Variants in CRK observed in about 807,000 individuals in gnomAD.
The protein encoded by CRK is CRK proto-oncogene, adaptor protein, also known as adapter molecule crk.
A neutral mutation model predicts 29.8 loss-of-function variants in CRK; 4 were observed. The observed-to-expected ratio is 0.13, with a 90% CI of 0.07 to 0.31. CRK has a LOEUF of 0.31. Among genes scored for constraint, CRK ranks in the 10% least tolerant of loss-of-function variants. The probability of loss-of-function intolerance (pLI) is 1.00; values close to 1 mark genes in which losing one functional copy is unlikely to be tolerated. For missense variants in CRK, 274 were observed against 396.5 expected (o/e 0.69, Z 2.62); for synonymous variants, 153 against 164.9 (o/e 0.93, Z 0.55).
intron 1 of CRK, among the ~76,000 whole-genome samples, chr17:1,443,121 G>A (rs994545017): frequency 1.3e-5 from 2 of 151,612 alleles, no homozygotes; most frequent in Non-Finnish European, 2.9e-5. Context: ...TGAGATTACA[G>A]GCGGCCACCA....
intron 2 of CRK, among the ~76,000 whole-genome samples, chr17:1,435,329 G>A (rs1379940331): frequency 1.3e-5 from 2 of 152,092 alleles, no homozygotes; most frequent in African/African-American, 4.8e-5. Context: ...TGGGATTACA[G>A]GTATGAGCCA....
chr17:1,454,748 T>A (rs77868138), intron 1 of CRK, among the ~76,000 whole-genome samples: 1,593 of 152,286 alleles, frequency 0.01, 34 homozygotes, highest in African/African-American at 0.036. Context: ...GGACTCCTGA[T>A]GCTGTTACAC....
chr17:1,429,418 C>T (rs1455248572), intron 2 of CRK, among the ~76,000 whole-genome samples: 1 of 151,982 alleles, frequency 6.6e-6, no homozygotes, highest in Admixed American at 6.6e-5. Flanking sequence ...GGATTATAGG[C>T]GCCCGCCACC....
intron 1 of CRK, among the ~76,000 whole-genome samples, chr17:1,438,927 C>T (rs1568015492): frequency 6.6e-6 from 1 of 151,984 alleles, no homozygotes; most frequent in Non-Finnish European, 1.5e-5. Flanking sequence ...ACTGCAGCCT[C>T]AGCCTCAAGC....
intron 2 of CRK, among the ~76,000 whole-genome samples, chr17:1,432,774 C>G (rs1249326370): frequency 1.5e-5 from 2 of 130,076 alleles, no homozygotes; most frequent in Non-Finnish European, 3.1e-5. Context: ...GAGACTCCGT[C>G]TCAAAAAAAA....
chr17:1,452,029 G>A (rs1027410494), intron 1 of CRK, among the ~76,000 whole-genome samples: 1 of 152,010 alleles, frequency 6.6e-6, no homozygotes, highest in African/African-American at 2.4e-5. Flanking sequence ...AGACTCCAGG[G>A]CAGAGGCAAA....
Position 1,456,058 on chromosome 17 carries a change from C to T in CRK, c.60G>A (p.Arg20=). 2 of 1,593,450 alleles carry T rather than the reference C, an allele frequency of 1.3e-6. No individual in the cohort carries two copies. The highest frequency in any genetic ancestry group is 1.7e-6 in the Non-Finnish European group (2 of 1,172,076). The part of the protein sequence containing the change: ...RSSWYWGRLS[R]QEAVALLQGQ... ...CCTGCAGCAGCGCCACCGCCTCCTG[C>T]CGACTCAACCTCCCCCAGTACCAGC... Residue 20 remains arginine, a synonymous_variant, in exon 1 of 3, where the codon CGG becomes CGA. Coordinates refer to ENST00000300574, the MANE Select transcript of CRK (RefSeq NM_016823.4).
At position 1,455,863 on chromosome 17, in the gene CRK, C is replaced by G. The variant is rs772569636; in HGVS notation, c.241+14G>C. On this transcript the variant is annotated intron_variant, in intron 1 of 2. Coordinates refer to ENST00000300574, the MANE Select transcript of CRK (RefSeq NM_016823.4). ...TCACCCCGCCCAGGGCCCGCCGTCCCGTCAGTCCCTCACCGGGCGGAGGCT... is the reference window on the plus strand; with the variant it reads ...TCACCCCGCCCAGGGCCCGCCGTCCGGTCAGTCCCTCACCGGGCGGAGGCT... 4 of 1,559,404 alleles carry G rather than the reference C, an allele frequency of 2.6e-6. No individual in the cohort carries two copies. The highest frequency in any genetic ancestry group is 2.6e-6 in the Non-Finnish European group (3 of 1,156,126).
intron 1 of CRK, among the ~76,000 whole-genome samples, chr17:1,444,382 C>T (rs899576441): frequency 6.6e-6 from 1 of 152,070 alleles, no homozygotes; most frequent in Non-Finnish European, 1.5e-5. Context: ...AAAATACAAA[C>T]GCCAGGCAGG....
intron 2 of CRK, among the ~76,000 whole-genome samples, chr17:1,428,168 G>C (rs112444363): frequency 0.01 from 1,531 of 150,546 alleles, 31 homozygotes; most frequent in African/African-American, 0.036. Flanking sequence ...ACCCAGGCTG[G>C]AGTGCAGTGG....
In CRK at chr17:1,423,335, C is replaced by T. The variant is rs2073745986; in HGVS notation, c.*178G>A. ...AACACACAAGCCCTCCAGTTCGTAC[C>T]CTGAATATGGTAATTAAGACTAGGA... On this transcript the variant is annotated 3_prime_UTR_variant, in exon 3 of 3. Coordinates refer to ENST00000300574, the MANE Select transcript of CRK (RefSeq NM_016823.4). 1.3e-6 allele frequency: 1 copy of T among 795,226 alleles called. No homozygotes were observed. The highest frequency in any genetic ancestry group is 2.0e-5 in the South Asian group (1 of 50,120). 49.3% of individuals were successfully genotyped at this position (795,226 alleles called of 1,614,324 possible).
In CRK at chr17:1,444,601, G is replaced by T. The variant is rs986285131; in HGVS notation, c.242-7446C>A. On this transcript the variant is annotated intron_variant, in intron 1 of 2. Coordinates refer to ENST00000300574, the MANE Select transcript of CRK (RefSeq NM_016823.4). ...GCACTTTGGGAAGCCGAAGCGGGGGGGGGGATCACCTGAGATCGGGAGTTC... is the reference window on the plus strand; with the variant it reads ...GCACTTTGGGAAGCCGAAGCGGGGGTGGGGATCACCTGAGATCGGGAGTTC... Among the ~76,000 whole-genome samples the T allele has an allele frequency of 2.0e-5, 3 of 150,480 alleles. 1 individual carries two copies. The highest frequency in any genetic ancestry group is 4.9e-5 in the African/African-American group (2 of 41,156).
intron 2 of CRK, among the ~76,000 whole-genome samples, chr17:1,430,236 G>A (rs1045559109): frequency 6.6e-6 from 1 of 151,702 alleles, no homozygotes; most frequent in Non-Finnish European, 1.5e-5. Flanking sequence ...TAGAAATGGA[G>A]TTTCAAAATG....
intron 1 of CRK, among the ~76,000 whole-genome samples, chr17:1,448,079 T>C (rs1203829246): frequency 6.6e-6 from 1 of 151,988 alleles, no homozygotes; most frequent in African/African-American, 2.4e-5. Flanking sequence ...GAGGCGGAAC[T>C]TGCAGTGAGC....
chr17:1,453,895 C>T (rs1598307508), intron 1 of CRK, among the ~76,000 whole-genome samples: 1 of 150,340 alleles, frequency 6.7e-6, no homozygotes. Flanking sequence ...GCAACAAAAG[C>T]GAAACTCCGC....
At chr17:1,454,502 C>A (rs1485586453) in intron 1 of CRK, among the ~76,000 whole-genome samples, 1 of 152,144 alleles carries the variant, frequency 6.6e-6, no homozygotes, top group African/African-American at 2.4e-5. Context: ...GGTGACAGAG[C>A]AAGACTCCGT....
At chr17:1,431,038 G>T (rs1299171793) in intron 2 of CRK, among the ~76,000 whole-genome samples, 1 of 151,876 alleles carries the variant, frequency 6.6e-6, no homozygotes, top group African/African-American at 2.4e-5. Flanking sequence ...CTGCACTCCA[G>T]CCTGGGCGAC....
In CRK at chr17:1,437,164, A is replaced by C. The variant is rs749301729; in HGVS notation, c.242-9T>G. On this transcript the variant is annotated splice_polypyrimidine_tract_variant and intron_variant, in intron 1 of 2. Transcript: ENST00000300574. ...TCTGGAGGGGCTCACCCCTGGAAAA[A>C]ACAGAGCAGGCTGTTATTTAATGAT... The C allele has an allele frequency of 6.3e-7, 1 of 1,580,488 alleles. No individual in the cohort carries two copies. The highest frequency in any genetic ancestry group is 1.2e-5 in the South Asian group (1 of 86,216).
At position 1,432,814 on chromosome 17, in the gene CRK, A is replaced by G. The variant is rs117526302; in HGVS notation, c.777+3806T>C. Reference sequence around the variant, plus strand: ...AAAAGAAAAGAAGAACAAAGACAATATAAGATTGAGGTATTTAAACAGAGT... The same window carrying G: ...AAAAGAAAAGAAGAACAAAGACAATGTAAGATTGAGGTATTTAAACAGAGT... On this transcript the variant is annotated intron_variant, in intron 2 of 2. Coordinates refer to ENST00000300574, the MANE Select transcript of CRK (RefSeq NM_016823.4). 6.0e-3 allele frequency among the ~76,000 whole-genome samples: 918 copies of G among 152,204 alleles called. 7 individuals carry two copies. Among genetic ancestry groups the G allele is most frequent in the Non-Finnish European group, 9.4e-3 (638 of 68,016 alleles).
Sources: gnomAD v4.1 joint callset for allele counts (sites outside exome capture counted in the v4.1 genomes callset) on GRCh38, gnomAD v4.1.1 for gene constraint, MANE v1.5 for transcripts, NCBI Gene and HGNC (gene_info 2026-07-23, HGNC 2026-07-21) for gene names.